Variants in BDP1 observed in about 807,000 individuals in gnomAD.
The protein encoded by BDP1 is transcription factor TFIIIB component B'' homolog.
In BDP1, 169 loss-of-function variants were observed where a neutral mutation model predicts 266.6. That is an observed-to-expected ratio of 0.63 (90% CI 0.56 to 0.72). The LOEUF is 0.72. BDP1 is among the 30% of genes least tolerant of loss of function. BDP1 has a pLI of 0.00. For synonymous variants in BDP1, 1,090 were observed against 1,022.4 expected (o/e 1.07, Z -1.26); for missense variants, 3,015 against 3,053.8 (o/e 0.99, Z 0.30).
chr5:71,549,593 A>G lies in BDP1; in HGVS notation c.6982A>G (p.Arg2328Gly), dbSNP rs755130824. The G allele has an allele frequency of 1.1e-5, 17 of 1,603,844 alleles. No homozygotes were observed. The highest frequency in any genetic ancestry group is 2.2e-5 in the East Asian group (1 of 44,686). ...ILVKSVNTEE[R>G]GDMSICLPAT... ...GGTCAAATCAGTGAATACCGAAGAA[A>G]GGGGTGACATGAGGTAACGAATGAG... The change falls in exon 34 of 39, where the codon AGG becomes GGG. Residue 2328 changes from arginine to glycine, a missense_variant. This residue lies in a region of BDP1 where 629 missense variants were observed against 632.5 expected (regional missense o/e 0.99). Transcript: ENST00000358731.
rs745567523 is a variant in BDP1 at position 71,489,653 on chromosome 5, C to T, written c.1463C>T (p.Ala488Val). The T allele has an allele frequency of 8.1e-6, 13 of 1,611,758 alleles. No individual in the cohort carries two copies. The highest frequency in any genetic ancestry group is 2.2e-5 in the East Asian group (1 of 44,862). ...CTTTTAGAAAATGCCACTGTTCAGG[C>T]GGGTCCTTCTAAAGGAGAAAAACAC... ...NNLLENATVQ[A>V]GPSKGEKHKN... Residue 488 changes from alanine to valine, a missense_variant, in exon 10 of 39, where the codon GCG (alanine) becomes GTG (valine). Ala to Val is a moderately conservative substitution (Grantham distance 64). Around this residue, in one of 3 missense-constraint regions of BDP1, gnomAD observed 2,383 missense variants for 2,404.9 expected, o/e 0.99. Transcript: ENST00000358731.
At chr5:71,486,340 T>C (rs1265912165) in intron 8 of BDP1, 144 bp from the exon 9 acceptor site, 1 of 593,888 alleles carries the variant, frequency 1.7e-6, no homozygotes, top group Non-Finnish European at 2.8e-6. Flanking sequence ...ATTCTGTTGC[T>C]GAGTGGTGTT....
intron 8 of BDP1, among the ~76,000 whole-genome samples, chr5:71,484,286 AC>A (rs375785836): frequency 4.0e-4 from 61 of 152,276 alleles, no homozygotes; most frequent in Middle Eastern, 6.8e-3. Flanking sequence ...AATAACACTG[AC>A]CACCTACTAT....
At chr5:71,547,473 T>G (rs1008963967) in intron 32 of BDP1, among the ~76,000 whole-genome samples, 1 of 152,214 alleles carries the variant, frequency 6.6e-6, no homozygotes, top group African/African-American at 2.4e-5. Flanking sequence ...TGATGCTGAC[T>G]GATCACTTGG....
intron 27 of BDP1, 61 bp downstream of exon 27, chr5:71,539,139 T>C (rs1766808574): frequency 9.1e-7 from 1 of 1,104,812 alleles, no homozygotes. Context: ...AGTGATTTAA[T>C]AGTGGGGATA....
rs111387745 is a variant in BDP1, at chr5:71,565,120, TCAGA to T, written c.*240_*243del. Reference sequence around the variant, plus strand: ...ATAGCAAGCAATTAAGACTGCTTTCTCAGACAGAAATAACAACTCTTGTTTACAT... The same window carrying T: ...ATAGCAAGCAATTAAGACTGCTTTCTCAGAAATAACAACTCTTGTTTACAT... On this transcript the variant is annotated 3_prime_UTR_variant, in exon 39 of 39. Transcript: ENST00000358731. The T allele has an allele frequency of 3.6e-3, 1,565 of 439,758 alleles. 26 individuals carry two copies. The highest frequency in any genetic ancestry group is 0.028 in the African/African-American group (1,389 of 49,950). 27.2% of individuals were successfully genotyped at this position (439,758 alleles called of 1,614,324 possible).
intron 4 of BDP1, 98 bp from the exon 5 acceptor site, chr5:71,465,998 G>A: frequency 7.8e-7 from 1 of 1,285,636 alleles, no homozygotes; most frequent in Non-Finnish European, 1.1e-6. Flanking sequence ...GTTGGAAATA[G>A]CTAGAAGGTT....
rs1210055970 is a variant in BDP1 at position 71,524,280 on chromosome 5, C to T, written c.5729C>T (p.Ser1910Phe). ...GTATTTGTACCTGTTGGTCTCAGAT[C>T]TCCTGAACCTGTTTCTGCTCAGATT... ...APVFVPVGLR[S>F]PEPVSAQIEE... Residue 1910 changes from serine (S) to phenylalanine (F), a missense_variant, in exon 25 of 39, where the codon TCT becomes TTT. Coordinates refer to ENST00000358731, the MANE Select transcript of BDP1 (RefSeq NM_018429.3). 6.2e-7 allele frequency: 1 copy of T among 1,606,618 alleles called. No homozygotes were observed. The highest frequency in any genetic ancestry group is 8.5e-7 in the Non-Finnish European group (1 of 1,173,606).
rs1476862496 is a variant in BDP1 at position 71,562,360 on chromosome 5, A to C, written c.7583A>C (p.Lys2528Thr). The C allele has an allele frequency of 6.2e-7, 1 of 1,613,856 alleles. No individual in the cohort carries two copies. The highest frequency in any genetic ancestry group is 1.7e-5 in the Admixed American group (1 of 60,012). ...GATGAACCTATGCAAGTCCATAGTA[A>C]GAAACGCCTAAAACCTCTTATACCT... ...ESDEPMQVHS[K>T]KRLKPLIPGL... Residue 2528 changes from lysine (K) to threonine (T), a missense_variant, in exon 38 of 39, where the codon AAG becomes ACG. Physicochemically the swap from Lys to Thr is moderately conservative, Grantham distance 78 (BLOSUM62 -1). Coordinates refer to ENST00000358731, the MANE Select transcript of BDP1 (RefSeq NM_018429.3).
Position 71,535,850 on chromosome 5 carries a change from G to A in BDP1, c.5893-3192G>A, listed in dbSNP as rs575750607. ...GTAACCTCTCATCTTATAAGGAAAG[G>A]ACACCAGTCATATTGGATTAGCACC... is the stretch of plus-strand genomic sequence containing the variant. On this transcript the variant is annotated intron_variant, in intron 26 of 38. Coordinates refer to ENST00000358731, the MANE Select transcript of BDP1 (RefSeq NM_018429.3). 1.7e-3 allele frequency among the ~76,000 whole-genome samples: 265 copies of A among 152,130 alleles called. 3 individuals are homozygous for A. The highest frequency in any genetic ancestry group is 2.0e-3 in the Non-Finnish European group (135 of 68,004).
chr5:71,474,697 A>C (rs1762480716), intron 7 of BDP1, among the ~76,000 whole-genome samples: 1 of 151,738 alleles, frequency 6.6e-6, no homozygotes, highest in Non-Finnish European at 1.5e-5. Context: ...AAATACAAAA[A>C]TTAGCCAGGT....
At chr5:71,490,590 T>C (rs1416292548) in intron 10 of BDP1, among the ~76,000 whole-genome samples, 1 of 152,220 alleles carries the variant, frequency 6.6e-6, no homozygotes, top group African/African-American at 2.4e-5. Flanking sequence ...AATGAGATAA[T>C]GCATCTGATG....
At chr5:71,525,533 C>T (rs1201193318) in intron 25 of BDP1, among the ~76,000 whole-genome samples, 4 of 123,778 alleles carry the variant, frequency 3.2e-5, no homozygotes, top group Non-Finnish European at 7.0e-5. Flanking sequence ...GCTGGCCGGG[C>T]GGGGGGCTGA....
In BDP1 at chr5:71,567,769, A is replaced by C. The variant is rs1301612915; in HGVS notation, c.*2884A>C. ...ATTTATAAATTTTCTTGTTCTAAAG[A>C]AAGCAGTTATATATATATATAAATT... On this transcript the variant is annotated 3_prime_UTR_variant, in exon 39 of 39. Transcript: ENST00000358731. The C allele has an allele frequency of 6.6e-6, 1 of 152,566 alleles. No individual in the cohort carries two copies. The highest frequency in any genetic ancestry group is 6.5e-5 in the Admixed American group (1 of 15,274). The allele number at this position is 152,566 out of a possible 1,614,324, so 9.5% of individuals were successfully genotyped here.
At chr5:71,495,091 T>A (rs1763802644) in intron 11 of BDP1, 159 bp from the exon 12 acceptor site, 1 of 425,848 alleles carries the variant, frequency 2.3e-6, no homozygotes, top group Non-Finnish European at 4.0e-6. Context: ...TGATGCAAGA[T>A]GGATCATAGA....
In BDP1 at chr5:71,461,035, G is replaced by A. The variant is rs114670135; in HGVS notation, c.490-782G>A. On this transcript the variant is annotated intron_variant, in intron 2 of 38. Coordinates refer to ENST00000358731, the MANE Select transcript of BDP1 (RefSeq NM_018429.3). ...CTCACTGTCACCCAGGATGGAGTGC[G>A]CTAGTATAATTGCAGTTCACTGCAG... Among the ~76,000 whole-genome samples, 555 of 152,240 alleles carry A rather than the reference G, an allele frequency of 3.6e-3. 4 individuals are homozygous for A. The highest frequency in any genetic ancestry group is 0.013 in the African/African-American group (523 of 41,548).
chr5:71,541,524 A>G lies in BDP1; in HGVS notation c.6093A>G (p.Val2031=). The G allele has an allele frequency of 6.2e-7, 1 of 1,611,176 alleles. No homozygotes were observed. Among genetic ancestry groups the G allele is most frequent in the African/African-American group, 1.3e-5 (1 of 74,926 alleles). ...KSHIPSSLDN[V]NHKIVHECQE... ...ATATTCCTTCTAGCCTAGATAATGT[A>G]AATCACAAAATTGTTCATGAATGTC... The change falls in exon 29 of 39, where the codon GTA becomes GTG. Residue 2031 remains valine (V), a synonymous_variant. Transcript: ENST00000358731.
At chr5:71,491,457 G>A (rs184906910) in intron 11 of BDP1, among the ~76,000 whole-genome samples, 6 of 151,458 alleles carry the variant, frequency 4.0e-5, no homozygotes, top group South Asian at 2.1e-4. Flanking sequence ...TTTGGTTTTC[G>A]TTAGTTTGAA....
At chr5:71,542,925 T>C (rs1439228947) in intron 30 of BDP1, among the ~76,000 whole-genome samples, 4 of 151,976 alleles carry the variant, frequency 2.6e-5, no homozygotes, top group Non-Finnish European at 1.5e-5. Flanking sequence ...CGTAGAGAAG[T>C]GAAAATGTTA....
Sources: gnomAD v4.1 joint callset for allele counts (sites outside exome capture counted in the v4.1 genomes callset) on GRCh38, gnomAD v4.1.1 for gene constraint, gnomAD v4.1.1 regional missense constraint, MANE v1.5 for transcripts, NCBI Gene and HGNC (gene_info 2026-07-23, HGNC 2026-07-21) for gene names.